EVX2: variants seen among roughly 807,000 people sequenced by gnomAD.
The protein encoded by EVX2 is even-skipped homeobox 2, also known as homeobox even-skipped homolog protein 2.
EVX2 carries 10 observed loss-of-function variants against 19.2 expected under a neutral mutation model. That is an observed-to-expected ratio of 0.52 (90% CI 0.32 to 0.89). The LOEUF (loss-of-function observed/expected upper bound fraction) is 0.89, where lower values mean the gene tolerates loss of function less well. Ranked by LOEUF, EVX2 falls within the 40% of genes least tolerant of loss-of-function variation. The pLI is 0.03. For missense variants in EVX2, 710 were observed against 694.9 expected, an observed-to-expected ratio of 1.02 and a Z score of -0.24; for synonymous variants, 354 against 328.4, an observed-to-expected ratio of 1.08 and a Z score of -0.84.
chr2:176,080,807 T>C lies in EVX2; in HGVS notation c.731A>G (p.Lys244Arg). The change falls in exon 3 of 3, where the codon AAG (lysine) becomes AGG (arginine). Residue 244 changes from lysine (K) to arginine (R), a missense_variant. Coordinates refer to ENST00000308618, the MANE Select transcript of EVX2 (RefSeq NM_001080458.2). This position sits in a 1 kb window ranked among gnomAD's most constrained non-coding sequence, Gnocchi z 7.0. ...CCAGGACATGGCCAGGCGCTGCCGC[T>C]TGTCCTTCATGCGCCGGTTCTGGAA... ...VWFQNRRMKD[K>R]RQRLAMSWPH... 1 of 1,612,298 alleles carries C rather than the reference T, an allele frequency of 6.2e-7. No individual in the cohort carries two copies. Among genetic ancestry groups the C allele is most frequent in the Non-Finnish European group, 8.5e-7 (1 of 1,179,710 alleles).
Position 176,083,428 on chromosome 2 carries a change from C to T in EVX2, c.349G>A (p.Asp117Asn). The T allele has an allele frequency of 5.0e-6, 8 of 1,613,936 alleles. No individual in the cohort carries two copies. Among genetic ancestry groups the T allele is most frequent in the Non-Finnish European group, 6.8e-6 (8 of 1,179,948 alleles). ...EAAAEADMSS[D>N]VEVGCSALRS... ...AGCGCGGAGCAGCCCACCTCCACGT[C>T]GCTGCTCATGTCGGCCTCAGCGGCC... is the stretch of plus-strand genomic sequence containing the variant. Residue 117 changes from aspartate to asparagine, a missense_variant, in exon 1 of 3, where the codon GAC (aspartate) becomes AAC (asparagine). By Grantham distance (23) the Asp-to-Asn change is conservative (BLOSUM62 1). Transcript: ENST00000308618. The surrounding 1 kb of genome is among the most constrained non-coding windows in gnomAD (Gnocchi z 4.4).
At position 176,080,822 on chromosome 2, in the gene EVX2, C is replaced by G. The variant is rs984273502; in HGVS notation, c.716G>C (p.Arg239Pro). ...ETTIKVWFQNRRMKDKRQRLA... is the reference protein window; with the variant it reads ...ETTIKVWFQNPRMKDKRQRLA... ...GCGCTGCCGCTTGTCCTTCATGCGC[C>G]GGTTCTGGAACCACACCTGCGGGGA... is the stretch of plus-strand genomic sequence containing the variant. The change falls in exon 3 of 3, where the codon CGG becomes CCG. Residue 239 changes from arginine to proline, a missense_variant. Transcript: ENST00000308618. This position sits in a 1 kb window ranked among gnomAD's most constrained non-coding sequence, Gnocchi z 7.0. The G allele has an allele frequency of 3.1e-6, 5 of 1,611,782 alleles. No individual in the cohort carries two copies. Among genetic ancestry groups the G allele is most frequent in the South Asian group, 1.1e-5 (1 of 90,918 alleles).
chr2:176,083,574 T>C lies in EVX2; in HGVS notation c.203A>G (p.Lys68Arg). 1 of 1,614,170 alleles carries C rather than the reference T, an allele frequency of 6.2e-7. No homozygotes were observed. Among genetic ancestry groups the C allele is most frequent in the Non-Finnish European group, 8.5e-7 (1 of 1,180,034 alleles). Residue 68 changes from lysine to arginine, a missense_variant, in exon 1 of 3, where the codon AAG (lysine) becomes AGG (arginine). Lys to Arg is a conservative substitution (Grantham distance 26). Coordinates refer to ENST00000308618, the MANE Select transcript of EVX2 (RefSeq NM_001080458.2). This position sits in a 1 kb window ranked among gnomAD's most constrained non-coding sequence, Gnocchi z 4.4. ...LHSALGELPA[K>R]GKFEIDTLFN... The stretch of plus-strand genomic sequence containing the variant: ...CAAAGTGTCTATTTCGAATTTGCCC[T>C]TGGCGGGGAGTTCTCCCAGAGCGCT...
In EVX2 at chr2:176,082,410, G is replaced by A. The variant is rs1449696503; in HGVS notation, c.467C>T (p.Ser156Leu). The change falls in exon 2 of 3, where the codon TCG (serine) becomes TTG (leucine). Residue 156 changes from serine (S) to leucine (L), a missense_variant. Coordinates refer to ENST00000308618, the MANE Select transcript of EVX2 (RefSeq NM_001080458.2). The surrounding 1 kb of genome is among the most constrained non-coding windows in gnomAD (Gnocchi z 5.2). ...ESGSAAGTTT[S>L]ASGSGLGSLH... ...GCTTCCGAGGCCTGAGCCCGACGCC[G>A]ACGTCGTGGTGCCGGCAGCCGAGCC... The A allele has an allele frequency of 6.3e-7, 1 of 1,578,196 alleles. No homozygotes were observed. The highest frequency in any genetic ancestry group is 8.6e-7 in the Non-Finnish European group (1 of 1,166,218).
In EVX2 at chr2:176,080,501, G is replaced by A. The variant is rs1559102612; in HGVS notation, c.1037C>T (p.Ala346Val). Residue 346 changes from alanine (A) to valine (V), a missense_variant, in exon 3 of 3, where the codon GCT becomes GTT. Ala to Val is a moderately conservative substitution (Grantham distance 64, BLOSUM62 0). Coordinates refer to ENST00000308618, the MANE Select transcript of EVX2 (RefSeq NM_001080458.2). The surrounding 1 kb of genome is among the most constrained non-coding windows in gnomAD (Gnocchi z 7.0). ...GTTGAGCCCCGCGGCGGCCGCGGGAGCCTGGTAGAGACCAGGGTGGCGGAA... is the reference window on the plus strand; with the variant it reads ...GTTGAGCCCCGCGGCGGCCGCGGGAACCTGGTAGAGACCAGGGTGGCGGAA... Reference protein sequence around the residue: ...CSFRHPGLYQAPAAAAGLNSA... With the variant: ...CSFRHPGLYQVPAAAAGLNSA... 9.9e-6 allele frequency: 14 copies of A among 1,420,142 alleles called. No homozygotes were observed. The highest frequency in any genetic ancestry group is 1.1e-5 in the Non-Finnish European group (12 of 1,098,226). 88.0% of individuals were successfully genotyped at this position (1,420,142 alleles called of 1,614,324 possible). A position where few individuals can be genotyped will look rare whatever the true frequency, so the allele number is the denominator to read the frequency against.
chr2:176,081,623 C>A lies in EVX2; in HGVS notation c.699+555G>T, dbSNP rs894858853. Among the ~76,000 whole-genome samples the A allele has an allele frequency of 3.9e-5, 6 of 152,032 alleles. No homozygotes were observed. The highest frequency in any genetic ancestry group is 9.7e-5 in the African/African-American group (4 of 41,378). ...CCCAGACGTATAATAAAATTAATAA[C>A]CTAAAGTTATATATAAATAAGGACA... On this transcript the variant is annotated intron_variant, in intron 2 of 2. Transcript: ENST00000308618. The surrounding 1 kb of genome is among the most constrained non-coding windows in gnomAD (Gnocchi z 5.9).
Position 176,082,054 on chromosome 2 carries a change from A to T in EVX2, c.699+124T>A. The T allele has an allele frequency of 9.4e-7, 1 of 1,066,346 alleles. No homozygotes were observed. Among genetic ancestry groups the T allele is most frequent in the Non-Finnish European group, 1.3e-6 (1 of 774,596 alleles). The allele number at this position is 1,066,346 out of a possible 1,614,324, so 66.1% of individuals were successfully genotyped here. A position where few individuals can be genotyped will look rare whatever the true frequency, so the allele number is the denominator to read the frequency against. ...AAATAAGCCAATTCCTTTGGTGACT[A>T]CCCCCCGCGGATTTCCAGACCCTTA... is the stretch of plus-strand genomic sequence containing the variant. On this transcript the variant is annotated intron_variant, in intron 2 of 2. Coordinates refer to ENST00000308618, the MANE Select transcript of EVX2 (RefSeq NM_001080458.2). The surrounding 1 kb of genome is among the most constrained non-coding windows in gnomAD (Gnocchi z 5.2).
At position 176,082,796 on chromosome 2, in the gene EVX2, C is replaced by T. The variant is rs1348745681; in HGVS notation, c.428-347G>A. On this transcript the variant is annotated intron_variant, in intron 1 of 2. Transcript: ENST00000308618. This position sits in a 1 kb window ranked among gnomAD's most constrained non-coding sequence, Gnocchi z 5.2. Reference sequence around the variant, plus strand: ...CGCAGGGCAGCTTTTTATACGGCCTCTAACCTTTATCTGAGTCTTCGGGGT... The same window carrying T: ...CGCAGGGCAGCTTTTTATACGGCCTTTAACCTTTATCTGAGTCTTCGGGGT... Among the ~76,000 whole-genome samples, 1 of 152,220 alleles carries T rather than the reference C, an allele frequency of 6.6e-6. No homozygotes were observed. Among genetic ancestry groups the T allele is most frequent in the African/African-American group, 2.4e-5 (1 of 41,466 alleles).
Position 176,080,942 on chromosome 2 carries a change from A to G in EVX2, c.700-104T>C. ...TCCGGACCTCTGAATGGCTTGGTCT[A>G]CTTCTCTCCGACCAAGCCCAACCCC... On this transcript the variant is annotated intron_variant, in intron 2 of 2. Transcript: ENST00000308618. The surrounding 1 kb of genome is among the most constrained non-coding windows in gnomAD (Gnocchi z 7.0). The G allele has an allele frequency of 7.2e-7, 1 of 1,390,572 alleles. No individual in the cohort carries two copies. The highest frequency in any genetic ancestry group is 9.5e-7 in the Non-Finnish European group (1 of 1,050,606). 86.1% of individuals were successfully genotyped at this position (1,390,572 alleles called of 1,614,324 possible). A position where few individuals can be genotyped will look rare whatever the true frequency, so the allele number is the denominator to read the frequency against.
At position 176,081,052 on chromosome 2, in the gene EVX2, C is replaced by A. The variant is rs1689140440; in HGVS notation, c.700-214G>T. ...GCACACCGTCCTCAACGAAGAGGGT[C>A]CTCTCCCCCGCGTCCGGCTGCTGCT... is the stretch of plus-strand genomic sequence containing the variant. On this transcript the variant is annotated intron_variant, in intron 2 of 2. Transcript: ENST00000308618. This position sits in a 1 kb window ranked among gnomAD's most constrained non-coding sequence, Gnocchi z 5.9. Among the ~76,000 whole-genome samples the A allele has an allele frequency of 6.6e-6, 1 of 152,176 alleles. No individual in the cohort carries two copies. Among genetic ancestry groups the A allele is most frequent in the Non-Finnish European group, 1.5e-5 (1 of 68,032 alleles).
In EVX2 at chr2:176,080,245, G is replaced by C. The variant is rs1371740490; in HGVS notation, c.1293C>G (p.Ala431=). The part of the protein sequence containing the change: ...GGGGGGGGAG[A]GGGSDFGCSA... ...TGCAGCCGAAGTCCGAGCCTCCCCC[G>C]GCCCCGGCGCCCCCGCCGCCGCCGC... Residue 431 remains alanine, a synonymous_variant, in exon 3 of 3, where the codon GCC becomes GCG. Transcript: ENST00000308618. This position sits in a 1 kb window ranked among gnomAD's most constrained non-coding sequence, Gnocchi z 7.0. The C allele has an allele frequency of 7.4e-7, 1 of 1,358,538 alleles. No homozygotes were observed. The highest frequency in any genetic ancestry group is 3.1e-5 in the East Asian group (1 of 32,060). The allele number at this position is 1,358,538 out of a possible 1,614,324, so 84.2% of individuals were successfully genotyped here. A position where few individuals can be genotyped will look rare whatever the true frequency, so the allele number is the denominator to read the frequency against.
At position 176,079,422 on chromosome 2, in the gene EVX2, G is replaced by A. The variant is rs1415694783; in HGVS notation, c.*685C>T. 1 of 152,212 alleles carries A rather than the reference G, an allele frequency of 6.6e-6. No homozygotes were observed. Among genetic ancestry groups the A allele is most frequent in the African/African-American group, 2.4e-5 (1 of 41,426 alleles). The allele number at this position is 152,212 out of a possible 1,614,324, so 9.4% of individuals were successfully genotyped here. ...CCTCGGCTTTGTCCTTCCCGGGGAA[G>A]GCGGCCACATCCCTACCCGCCTTGC... On this transcript the variant is annotated 3_prime_UTR_variant, in exon 3 of 3. Coordinates refer to ENST00000308618, the MANE Select transcript of EVX2 (RefSeq NM_001080458.2). This position sits in a 1 kb window ranked among gnomAD's most constrained non-coding sequence, Gnocchi z 4.4.
At position 176,082,096 on chromosome 2, in the gene EVX2, CAGAAAGG is replaced by C. The variant is rs1305438595; in HGVS notation, c.699+75_699+81del. On this transcript the variant is annotated intron_variant, in intron 2 of 2. Coordinates refer to ENST00000308618, the MANE Select transcript of EVX2 (RefSeq NM_001080458.2). This position sits in a 1 kb window ranked among gnomAD's most constrained non-coding sequence, Gnocchi z 5.2. ...AGACCCTTAGCTAAATCTAGCCACC[CAGAAAGG>C]GGAAAGGGGAAAAAGAAACAATCAA... The C allele has an allele frequency of 2.8e-6, 4 of 1,418,600 alleles. No homozygotes were observed. In the African/African-American group the frequency reaches 5.9e-5, roughly 21 times the overall value. The allele number at this position is 1,418,600 out of a possible 1,614,324, so 87.9% of individuals were successfully genotyped here. A position where few individuals can be genotyped will look rare whatever the true frequency, so the allele number is the denominator to read the frequency against.
At position 176,083,766 on chromosome 2, in the gene EVX2, C is replaced by T; in HGVS notation, c.11G>A (p.Arg4Lys). 1 of 1,609,532 alleles carries T rather than the reference C, an allele frequency of 6.2e-7. No individual in the cohort carries two copies. The highest frequency in any genetic ancestry group is 8.5e-7 in the Non-Finnish European group (1 of 1,177,802). Residue 4 changes from arginine to lysine, a missense_variant, in exon 1 of 3, where the codon AGA (arginine) becomes AAA (lysine). Coordinates refer to ENST00000308618, the MANE Select transcript of EVX2 (RefSeq NM_001080458.2). This position sits in a 1 kb window ranked among gnomAD's most constrained non-coding sequence, Gnocchi z 4.4. MME[R>K]IRKEMILMER... ...CATCAGAATCATCTCTTTTCTTATT[C>T]TTTCCATCATCTCAGCTTTCTTAAA...
rs777999557 is a variant in EVX2, at chr2:176,082,352, G to C, written c.525C>G (p.Ser175Arg). ...LHGGSGGSGG[S>R]AALGGSGSGA... ...CAGAGCCGGAGCCACCCAGCGCCGCGCTCCCGCCGCTGCCTCCGCTGCCTC... is the reference window on the plus strand; with the variant it reads ...CAGAGCCGGAGCCACCCAGCGCCGCCCTCCCGCCGCTGCCTCCGCTGCCTC... The change falls in exon 2 of 3, where the codon AGC (serine) becomes AGG (arginine). Residue 175 changes from serine to arginine, a missense_variant. Coordinates refer to ENST00000308618, the MANE Select transcript of EVX2 (RefSeq NM_001080458.2). This position sits in a 1 kb window ranked among gnomAD's most constrained non-coding sequence, Gnocchi z 5.2. 2 of 1,596,284 alleles carry C rather than the reference G, an allele frequency of 1.3e-6. No individual in the cohort carries two copies. The highest frequency in any genetic ancestry group is 1.7e-5 in the Admixed American group (1 of 59,076).
chr2:176,080,789 A>T lies in EVX2; in HGVS notation c.749T>A (p.Met250Lys). The T allele has an allele frequency of 6.2e-7, 1 of 1,612,228 alleles. No individual in the cohort carries two copies. The highest frequency in any genetic ancestry group is 8.5e-7 in the Non-Finnish European group (1 of 1,179,774). The part of the protein sequence containing the change: ...RMKDKRQRLA[M>K]SWPHPADPSF... ...GGGGTCGGCTGGGTGCGGCCAGGAC[A>T]TGGCCAGGCGCTGCCGCTTGTCCTT... The change falls in exon 3 of 3, where the codon ATG (methionine) becomes AAG (lysine). Residue 250 changes from methionine to lysine, a missense_variant. By Grantham distance (95) the Met-to-Lys change is moderately conservative. Transcript: ENST00000308618. This position sits in a 1 kb window ranked among gnomAD's most constrained non-coding sequence, Gnocchi z 7.0.
Position 176,078,422 on chromosome 2 carries a change from A to G in EVX2, c.*1685T>C, listed in dbSNP as rs1268555146. ...CACTAGCAAGTTATTTTAGGGCTTC[A>G]ACTCTTCAGAAAATCTCATTATGTG... On this transcript the variant is annotated 3_prime_UTR_variant, in exon 3 of 3. Transcript: ENST00000308618. The G allele has an allele frequency of 6.6e-6, 1 of 152,186 alleles. No individual in the cohort carries two copies. The highest frequency in any genetic ancestry group is 1.5e-5 in the Non-Finnish European group (1 of 68,046). 9.4% of individuals were successfully genotyped at this position (152,186 alleles called of 1,614,324 possible).
rs1199465228 is a variant in EVX2 at position 176,082,160 on chromosome 2, A to G, written c.699+18T>C. 20 of 1,558,896 alleles carry G rather than the reference A, an allele frequency of 1.3e-5. No individual in the cohort carries two copies. In the East Asian group the frequency reaches 4.6e-4, roughly 36 times the overall value. On this transcript the variant is annotated intron_variant, in intron 2 of 2. Transcript: ENST00000308618. The surrounding 1 kb of genome is among the most constrained non-coding windows in gnomAD (Gnocchi z 5.2). ...TGCCCCCGGGGAGGCCAGAGCAGGC[A>G]TGCACTGGAATTGATACCTTGATGG...
Position 176,077,637 on chromosome 2 carries a change from C to T in EVX2, c.*2470G>A, listed in dbSNP as rs1226621141. 1 of 152,092 alleles carries T rather than the reference C, an allele frequency of 6.6e-6. No individual in the cohort carries two copies. The highest frequency in any genetic ancestry group is 2.4e-5 in the African/African-American group (1 of 41,418). 9.4% of individuals were successfully genotyped at this position (152,092 alleles called of 1,614,324 possible). A position where few individuals can be genotyped will look rare whatever the true frequency, so the allele number is the denominator to read the frequency against. ...TTACAATTTTATTTCAATATAATAA[C>T]CAGATCCAATGGACCCAACAAATGA... On this transcript the variant is annotated 3_prime_UTR_variant, in exon 3 of 3. Transcript: ENST00000308618.
Sources: gnomAD v4.1 joint callset for allele counts (sites outside exome capture counted in the v4.1 genomes callset) on GRCh38, gnomAD v4.1.1 for gene constraint, Gnocchi (gnomAD v3.1) non-coding constraint, MANE v1.5 for transcripts, NCBI Gene and HGNC (gene_info 2026-07-23, HGNC 2026-07-21) for gene names.